The following FAM135B variants were observed in gnomAD, a reference collection of about 807,000 sequenced individuals.
The protein encoded by FAM135B is protein FAM135B.
FAM135B carries 43 observed loss-of-function variants against 127.7 expected under a neutral mutation model. That is an observed-to-expected ratio of 0.34 (90% CI 0.26 to 0.43). The LOEUF (loss-of-function observed/expected upper bound fraction) is 0.43, where lower values mean the gene tolerates loss of function less well. Ranked by LOEUF, FAM135B falls within the 20% of genes least tolerant of loss-of-function variation. The pLI, the probability that FAM135B is intolerant of heterozygous loss-of-function variation, is 1.00. For missense variants in FAM135B, 1,558 were observed against 1,725.6 expected, an observed-to-expected ratio of 0.90 and a Z score of 1.72; for synonymous variants, 670 against 665.1, an observed-to-expected ratio of 1.01 and a Z score of -0.11.
intron 7 of FAM135B, among the ~76,000 whole-genome samples, chr8:138,197,992 C>A (rs1201545718): frequency 6.6e-6 from 1 of 152,192 alleles, no homozygotes; most frequent in Non-Finnish European, 1.5e-5. Context: ...ATTGGCCTCA[C>A]AGGTTTGAGA....
intron 7 of FAM135B, among the ~76,000 whole-genome samples, chr8:138,201,098 G>A (rs1817083222): frequency 1.3e-5 from 2 of 152,214 alleles, no homozygotes; most frequent in Admixed American, 1.3e-4. Context: ...CTGTGACTAA[G>A]CAGAAATGAA....
chr8:138,340,289 A>G (rs1183243516), intron 2 of FAM135B, among the ~76,000 whole-genome samples: 1 of 149,418 alleles, frequency 6.7e-6, no homozygotes, highest in African/African-American at 2.4e-5. Context: ...CGATACAAAC[A>G]GAAAGAAAGA....
chr8:138,380,218 G>A (rs1477851224), intron 1 of FAM135B, among the ~76,000 whole-genome samples: 1 of 150,968 alleles, frequency 6.6e-6, no homozygotes, highest in African/African-American at 2.4e-5. Context: ...CTTTTTTTGA[G>A]ACAGAGTCTT....
rs554130488 is a variant in FAM135B at position 138,218,841 on chromosome 8, T to C, written c.670-21172A>G. Among the ~76,000 whole-genome samples, 9 of 151,132 alleles carry C rather than the reference T, an allele frequency of 6.0e-5. No homozygotes were observed. The South Asian group carries it at 1.9e-3, about 32-fold the overall frequency. ...GAGAGAGAGAGATTTATGAATAGAA[T>C]GTTGTCCCATCAGACAAGGCAACGC... On this transcript the variant is annotated intron_variant, in intron 7 of 19. Transcript: ENST00000395297.
intron 1 of FAM135B, among the ~76,000 whole-genome samples, chr8:138,474,231 G>A (rs1231117610): frequency 6.6e-6 from 1 of 152,098 alleles, no homozygotes; most frequent in Non-Finnish European, 1.5e-5. Flanking sequence ...ATAGATGGAT[G>A]AACAAAAAGT....
At position 138,152,340 on chromosome 8, in the gene FAM135B, T is replaced by G. The variant is rs1384686476; in HGVS notation, c.2135A>C (p.Glu712Ala). The G allele has an allele frequency of 3.1e-6, 5 of 1,614,130 alleles. No individual in the cohort carries two copies. In the South Asian group the frequency reaches 5.5e-5, roughly 18 times the overall value. The change falls in exon 13 of 20, where the codon GAA (glutamate) becomes GCA (alanine). Residue 712 changes from glutamate (E) to alanine (A), a missense_variant. By Grantham distance (107) the Glu-to-Ala change is moderately radical (BLOSUM62 -1). Around this residue, in one of 5 missense-constraint regions of FAM135B, gnomAD observed 923 missense variants for 865.3 expected, o/e 1.07. Transcript: ENST00000395297. ...SRALELPSDR[E>A]VLHPFVRRHA... ...TCTTCGAACAAACGGGTGCAAGACT[T>G]CCCGATCACTGGGCAACTCCAGAGC... is the stretch of plus-strand genomic sequence containing the variant.
chr8:138,151,942 T>C lies in FAM135B; in HGVS notation c.2533A>G (p.Ile845Val), dbSNP rs114885489. ...DADNQQGPGY[I>V]DIPKGKGKQF... ...TTCCCTTTCCCTTTGGGGATGTCTA[T>C]GTATCCGGGGCCCTGCTGGTTGTCA... The change falls in exon 13 of 20, where the codon ATA (isoleucine) becomes GTA (valine). Residue 845 changes from isoleucine (I) to valine (V), a missense_variant. Ile to Val is a conservative substitution (Grantham distance 29). Transcript: ENST00000395297. The C allele has an allele frequency of 3.9e-3, 6,327 of 1,614,190 alleles. 27 individuals are homozygous for C. The highest frequency in any genetic ancestry group is 0.01 in the Middle Eastern group (61 of 6,062).
chr8:138,285,819 C>T (rs761482949), intron 3 of FAM135B, among the ~76,000 whole-genome samples: 2 of 152,182 alleles, frequency 1.3e-5, no homozygotes, highest in Non-Finnish European at 2.9e-5. Flanking sequence ...TCAGGTGAAG[C>T]TTTCGAACAG....
At chr8:138,425,168 G>T (rs1834769010) in intron 1 of FAM135B, among the ~76,000 whole-genome samples, 1 of 152,032 alleles carries the variant, frequency 6.6e-6, no homozygotes, top group Admixed American at 6.6e-5. Flanking sequence ...GCATTGAGTG[G>T]GTGTTCACTT....
At chr8:138,223,976 A>T (rs1333061744) in intron 7 of FAM135B, among the ~76,000 whole-genome samples, 1 of 152,144 alleles carries the variant, frequency 6.6e-6, no homozygotes, top group Non-Finnish European at 1.5e-5. Context: ...GTGGGAGCTA[A>T]ACATTGGGTA....
Position 138,478,263 on chromosome 8 carries a change from G to A in FAM135B, c.-20+18408C>T, listed in dbSNP as rs907426952. 5.9e-5 allele frequency among the ~76,000 whole-genome samples: 9 copies of A among 151,982 alleles called. 1 individual carries two copies. Among genetic ancestry groups the A allele is most frequent in the African/African-American group, 2.2e-4 (9 of 41,354 alleles). On this transcript the variant is annotated intron_variant, in intron 1 of 19. Transcript: ENST00000395297. ...CTAGTCATTCTAAATGTGTTAACAA[G>A]CGCCCCTGAAAACCCTGTCTTTTGC...
intron 1 of FAM135B, among the ~76,000 whole-genome samples, chr8:138,473,429 C>T (rs1372287357): frequency 1.3e-5 from 2 of 152,164 alleles, no homozygotes; most frequent in Non-Finnish European, 2.9e-5. Flanking sequence ...TGCTGCTTCT[C>T]CAATCTCTCA....
intron 2 of FAM135B, among the ~76,000 whole-genome samples, chr8:138,337,602 T>G (rs1828703372): frequency 6.6e-6 from 1 of 152,032 alleles, no homozygotes; most frequent in South Asian, 2.1e-4. Context: ...CTCAATGAAA[T>G]AAAAGAAGAC....
intron 1 of FAM135B, among the ~76,000 whole-genome samples, chr8:138,383,750 T>C (rs1832013622): frequency 6.6e-6 from 1 of 152,214 alleles, no homozygotes; most frequent in South Asian, 2.1e-4. Context: ...TTTTTATTCT[T>C]AAAAGGTAAT....
chr8:138,440,758 TATACTC>T lies in FAM135B; in HGVS notation c.-20+55907_-20+55912del, dbSNP rs933681833. Reference sequence around the variant, plus strand: ...TTTAAAATCTATCACATTTCTGAGATATACTCATACTGTAGGCTTCCTCTAATTGAT... The same window carrying T: ...TTTAAAATCTATCACATTTCTGAGATATACTGTAGGCTTCCTCTAATTGAT... On this transcript the variant is annotated intron_variant, in intron 1 of 19. Transcript: ENST00000395297. 7 of 151,906 alleles carry T rather than the reference TATACTC, an allele frequency of 4.6e-5. No homozygotes were observed. The South Asian group carries it at 6.2e-4, about 14-fold the overall frequency. 9.4% of individuals were successfully genotyped at this position (151,906 alleles called of 1,614,324 possible). A position where few individuals can be genotyped will look rare whatever the true frequency, so the allele number is the denominator to read the frequency against.
chr8:138,450,575 C>T (rs1836430884), intron 1 of FAM135B: 1 of 152,132 alleles, frequency 6.6e-6, no homozygotes, highest in Non-Finnish European at 1.5e-5. Context: ...TTGCTGTTTT[C>T]ATTTACATTT....
intron 1 of FAM135B, chr8:138,441,335 T>C (rs1357340635): frequency 1.3e-5 from 2 of 152,196 alleles, no homozygotes; most frequent in African/African-American, 4.8e-5. Flanking sequence ...ACTAAAACTT[T>C]CTTATGCAGG....
chr8:138,377,816 A>C lies in FAM135B; in HGVS notation c.-19-9814T>G, dbSNP rs149017706. On this transcript the variant is annotated intron_variant, in intron 1 of 19. Transcript: ENST00000395297. ...GCAGAAATTACTCTCGAAAGCATGT[A>C]TCTGCATTCAGTGATGTCCTTCTCC... Among the ~76,000 whole-genome samples, 643 of 152,342 alleles carry C rather than the reference A, an allele frequency of 4.2e-3. 7 individuals are homozygous for C. Among genetic ancestry groups the C allele is most frequent in the African/African-American group, 0.015 (622 of 41,578 alleles).
intron 1 of FAM135B, among the ~76,000 whole-genome samples, chr8:138,369,145 T>C (rs371084526): frequency 6.6e-6 from 1 of 152,026 alleles, no homozygotes; most frequent in African/African-American, 2.4e-5. Flanking sequence ...AGACTCCCGA[T>C]AGGATAAGAG....
Sources: allele counts gnomAD v4.1 joint callset (sites outside exome capture counted in the v4.1 genomes callset), GRCh38; gene constraint gnomAD v4.1.1; regional missense constraint gnomAD v4.1.1; transcripts MANE v1.5; gene names NCBI Gene and HGNC (gene_info 2026-07-23, HGNC 2026-07-21).